The following SENP6 variants were observed in gnomAD, a reference collection of about 807,000 sequenced individuals.
SENP6 encodes the protein SUMO specific peptidase 6.
A neutral mutation model predicts 134.5 loss-of-function variants in SENP6; 41 were observed. The ratio of observed to expected loss-of-function variants is 0.30; its 90% confidence interval spans 0.24 to 0.40. SENP6 has a LOEUF of 0.40. SENP6 is among the 10% of genes least tolerant of loss of function. SENP6 has a pLI of 1.00. For synonymous variants in SENP6, 395 were observed against 429.8 expected, an observed-to-expected ratio of 0.92 and a Z score of 1.00; for missense variants, 1,248 against 1,312.5, an observed-to-expected ratio of 0.95 and a Z score of 0.76.
At chr6:75,701,264 A>G (rs1234030300) in intron 18 of SENP6, among the ~76,000 whole-genome samples, 1 of 152,194 alleles carries the variant, frequency 6.6e-6, no homozygotes, top group African/African-American at 2.4e-5. Context: ...ATCCCAGCAC[A>G]GCCCTGTGTC....
chr6:75,682,505 A>G (rs895303800), intron 16 of SENP6, among the ~76,000 whole-genome samples: 1 of 151,852 alleles, frequency 6.6e-6, no homozygotes, highest in African/African-American at 2.4e-5. Context: ...TGCTGTACCT[A>G]TCAACTCATC....
intron 9 of SENP6, among the ~76,000 whole-genome samples, chr6:75,664,167 T>C (rs1429697889): frequency 6.6e-6 from 1 of 151,954 alleles, no homozygotes; most frequent in Non-Finnish European, 1.5e-5. Context: ...TTGGGCACAG[T>C]GGTGTCCCAA....
At chr6:75,626,339 T>TTATATA (rs371571007) in intron 3 of SENP6, among the ~76,000 whole-genome samples, 10 of 149,620 alleles carry the variant, frequency 6.7e-5, no homozygotes, top group South Asian at 6.3e-4. Context: ...GCTTAGCTTT[T>TTATATA]TATATATATA....
At chr6:75,678,769 A>G (rs1773263618) in intron 15 of SENP6, 42 bp from the exon 16 acceptor site, 1 of 1,372,254 alleles carries the variant, frequency 7.3e-7, no homozygotes, top group Non-Finnish European at 1.0e-6. Context: ...GTGTATATAT[A>G]TATAGATTTG....
intron 16 of SENP6, among the ~76,000 whole-genome samples, chr6:75,688,932 A>C (rs1032506637): frequency 6.6e-6 from 1 of 152,140 alleles, no homozygotes; most frequent in African/African-American, 2.4e-5. Flanking sequence ...CAGGTGTGGT[A>C]GTGCATGCCT....
rs552375016 is a variant in SENP6 at position 75,716,671 on chromosome 6, A to G, written c.*1077A>G. Reference sequence around the variant, plus strand: ...TTTCCATGACAGATTTATAGCACATATAGGGATCTTGCATGTATCTGCAGA... The same window carrying G: ...TTTCCATGACAGATTTATAGCACATGTAGGGATCTTGCATGTATCTGCAGA... On this transcript the variant is annotated 3_prime_UTR_variant, in exon 24 of 24. Coordinates refer to ENST00000447266, the MANE Select transcript of SENP6 (RefSeq NM_015571.4). 5 of 152,136 alleles carry G rather than the reference A, an allele frequency of 3.3e-5. No homozygotes were observed. The highest frequency in any genetic ancestry group is 1.2e-4 in the African/African-American group (5 of 41,578). 9.4% of individuals were successfully genotyped at this position (152,136 alleles called of 1,614,324 possible).
chr6:75,649,033 A>G (rs576195244), intron 7 of SENP6, among the ~76,000 whole-genome samples: 1 of 152,262 alleles, frequency 6.6e-6, no homozygotes, highest in African/African-American at 2.4e-5. Context: ...CTGGCCTGGT[A>G]TGGTGGCTCA....
Position 75,643,264 on chromosome 6 carries a change from T to A in SENP6, c.479+2560T>A, listed in dbSNP as rs73453085. The stretch of plus-strand genomic sequence containing the variant: ...TTATAATAACTGTAGTCAGTATATT[T>A]AACAAAAGACATGCTGATTTGATTA... On this transcript the variant is annotated intron_variant, in intron 6 of 23. Transcript: ENST00000447266. Among the ~76,000 whole-genome samples the A allele has an allele frequency of 4.3e-3, 655 of 152,328 alleles. 7 individuals are homozygous for A. Among genetic ancestry groups the A allele is most frequent in the African/African-American group, 0.015 (625 of 41,582 alleles).
rs1771583393 is a variant in SENP6, at chr6:75,659,194, A to T, written c.551-68A>T. 3.4e-6 allele frequency: 4 copies of T among 1,180,694 alleles called. No individual in the cohort carries two copies. Among genetic ancestry groups the T allele is most frequent in the Non-Finnish European group, 4.8e-6 (4 of 835,820 alleles). 73.1% of individuals were successfully genotyped at this position (1,180,694 alleles called of 1,614,324 possible). ...ATTGGTTTAGTCTTATGTTCTGATT[A>T]TTTTTTTGCTGAAACACTAGCTTAT... On this transcript the variant is annotated intron_variant, in intron 7 of 23. Coordinates refer to ENST00000447266, the MANE Select transcript of SENP6 (RefSeq NM_015571.4).
chr6:75,702,291 C>T (rs1175106585), intron 18 of SENP6, among the ~76,000 whole-genome samples: 1 of 149,868 alleles, frequency 6.7e-6, no homozygotes, highest in Admixed American at 6.7e-5. Context: ...AATCTCGGCT[C>T]ACTGCAACCT....
At chr6:75,612,317 T>C (rs1391074951) in intron 1 of SENP6, among the ~76,000 whole-genome samples, 1 of 152,182 alleles carries the variant, frequency 6.6e-6, no homozygotes, top group Non-Finnish European at 1.5e-5. Flanking sequence ...CATACACATT[T>C]AATTCTCTCT....
At chr6:75,669,170 T>C (rs901217154) in intron 10 of SENP6, among the ~76,000 whole-genome samples, 1 of 152,038 alleles carries the variant, frequency 6.6e-6, no homozygotes, top group Non-Finnish European at 1.5e-5. Context: ...GCCAACATGG[T>C]GAAACTCTGT....
At chr6:75,611,708 G>A (rs1767464235) in intron 1 of SENP6, 1 of 152,206 alleles carries the variant, frequency 6.6e-6, no homozygotes, top group Admixed American at 6.5e-5. Flanking sequence ...AAGAGATTGT[G>A]TATTCTGTGT....
At chr6:75,610,526 G>A (rs1767364152) in intron 1 of SENP6, among the ~76,000 whole-genome samples, 1 of 152,140 alleles carries the variant, frequency 6.6e-6, no homozygotes, top group Admixed American at 6.5e-5. Context: ...ACTAAAAACA[G>A]GGTTGTTTTT....
At chr6:75,712,305 G>T (rs1384715936) in intron 21 of SENP6, among the ~76,000 whole-genome samples, 1 of 152,010 alleles carries the variant, frequency 6.6e-6, no homozygotes, top group East Asian at 1.9e-4. Context: ...CTTTGAAAAT[G>T]CAGCATCATT....
chr6:75,634,094 T>C (rs1164828042), intron 4 of SENP6, among the ~76,000 whole-genome samples: 1 of 152,180 alleles, frequency 6.6e-6, no homozygotes, highest in Non-Finnish European at 1.5e-5. Flanking sequence ...CTTAAAAATT[T>C]CTTATTCCTC....
chr6:75,620,082 CAAAAAA>C (rs10526946), intron 1 of SENP6, among the ~76,000 whole-genome samples: 1 of 127,832 alleles, frequency 7.8e-6, no homozygotes, highest in Non-Finnish European at 1.7e-5. Context: ...TACCTTGCCT[CAAAAAA>C]AAAAAAAAAA....
At chr6:75,699,354 CTT>C (rs71544060) in intron 18 of SENP6, among the ~76,000 whole-genome samples, 32 of 115,018 alleles carry the variant, frequency 2.8e-4, no homozygotes, top group East Asian at 2.8e-3. Flanking sequence ...TTTGTTTTTG[CTT>C]TTTTTTTTTT....
rs1562073188 is a variant in SENP6 at position 75,705,924 on chromosome 6, C to CTTTTTTTTTTTTTTTTTTTTTTTTT, written c.2716+2852_2716+2853insTTTTTTTTTTTTTTTTTTTTTTTTT. On this transcript the variant is annotated intron_variant, in intron 19 of 23. Coordinates refer to ENST00000447266, the MANE Select transcript of SENP6 (RefSeq NM_015571.4). The stretch of plus-strand genomic sequence containing the variant: ...AGTGAGTTAGAAAGCTATTTTTGAG[C>CTTTTTTTTTTTTTTTTTTTTTTTTT]CTTTTTTTTTTTTTTTTTTTTTTTT... Among the ~76,000 whole-genome samples the CTTTTTTTTTTTTTTTTTTTTTTTTT allele has an allele frequency of 6.3e-3, 562 of 89,270 alleles. 177 individuals are homozygous for CTTTTTTTTTTTTTTTTTTTTTTTTT. The highest frequency in any genetic ancestry group is 9.9e-3 in the Non-Finnish European group (455 of 46,098). The allele number at this position is 89,270 out of a possible 152,430, so 58.6% of individuals were successfully genotyped here.
Sources: allele counts gnomAD v4.1 joint callset (sites outside exome capture counted in the v4.1 genomes callset), GRCh38; gene constraint gnomAD v4.1.1; transcripts MANE v1.5; gene names NCBI Gene and HGNC (gene_info 2026-07-23, HGNC 2026-07-21).